Variants in TRPV1 observed in about 807,000 individuals in gnomAD.
TRPV1 encodes the protein transient receptor potential cation channel subfamily V member 1.
In TRPV1, 82 loss-of-function variants were observed where a neutral mutation model predicts 82.3. The ratio of observed to expected loss-of-function variants is 1.00; its 90% CI spans 0.83 to 1.20. The LOEUF (loss-of-function observed/expected upper bound fraction) is 1.20, where lower values mean the gene tolerates loss of function less well. Ranked by LOEUF, TRPV1 falls within the 50% of genes most tolerant of loss-of-function variation. The pLI, the probability that TRPV1 is intolerant of heterozygous loss-of-function variation, is 0.00. For missense variants in TRPV1, 1,067 were observed against 1,096.8 expected (o/e 0.97, Z 0.38); for synonymous variants, 515 against 467.7 (o/e 1.10, Z -1.30).
At chr17:3,575,762 A>G (rs1384801971) in intron 13 of TRPV1, among the ~76,000 whole-genome samples, 1 of 152,178 alleles carries the variant, frequency 6.6e-6, no homozygotes. Flanking sequence ...ACACAGCAGA[A>G]GACACACATG....
intron 8 of TRPV1, among the ~76,000 whole-genome samples, chr17:3,587,419 G>A (rs530300771): frequency 6.6e-6 from 1 of 152,314 alleles, no homozygotes; most frequent in East Asian, 1.9e-4. Context: ...CAGATAAGGT[G>A]GCCTTTCCAA....
intron 9 of TRPV1, among the ~76,000 whole-genome samples, chr17:3,584,131 G>C (rs576594753): frequency 6.6e-6 from 1 of 152,020 alleles, no homozygotes; most frequent in South Asian, 2.1e-4. Flanking sequence ...TTAGCCAGGC[G>C]TGGTAGCTCA....
rs1567665096 is a variant in TRPV1 at position 3,582,259 on chromosome 17, C to T, written c.1476+1079G>A. ...TGGTGATGGCTTCCTGTAGTTCCAG[C>T]TACTCCAGAGGCTGAGGTGGGAGGA... On this transcript the variant is annotated intron_variant, in intron 10 of 16. Transcript: ENST00000572705. Among the ~76,000 whole-genome samples, 5 of 148,022 alleles carry T rather than the reference C, an allele frequency of 3.4e-5. No homozygotes were observed. In the South Asian group the frequency reaches 1.1e-3, roughly 32 times the overall value.
rs1567663703 is a variant in TRPV1 at position 3,580,506 on chromosome 17, G to A, written c.1498C>T (p.Arg500Trp). Residue 500 changes from arginine to tryptophan, a missense_variant, in exon 11 of 17, where the codon CGG becomes TGG. Coordinates refer to ENST00000572705, the MANE Select transcript of TRPV1 (RefSeq NM_080704.4). ...FRGIQYFLQRRPSMKTLFVDS... is the reference protein window; with the variant it reads ...FRGIQYFLQRWPSMKTLFVDS... ...ACAAACAGGGTCTTCATCGACGGCC[G>A]CCTCTGCAGGAAATACTGAATCTGC... is the stretch of plus-strand genomic sequence containing the variant. The A allele has an allele frequency of 1.4e-5, 22 of 1,614,018 alleles. No homozygotes were observed. Among genetic ancestry groups the A allele is most frequent in the Non-Finnish European group, 1.8e-5 (21 of 1,179,894 alleles).
chr17:3,580,589 C>A, intron 10 of TRPV1, 62 bp from the exon 11 acceptor site: 4 of 1,544,864 alleles, frequency 2.6e-6, no homozygotes, highest in Non-Finnish European at 3.6e-6. Flanking sequence ...ATGGTGAGCA[C>A]TCAGATGCTT....
chr17:3,605,642 T>C (rs964691295), intron 2 of TRPV1, among the ~76,000 whole-genome samples: 2 of 152,186 alleles, frequency 1.3e-5, no homozygotes, highest in African/African-American at 4.8e-5. Flanking sequence ...TTTAGCTCAA[T>C]GTGACTTGTG....
chr17:3,592,198 C>A lies in TRPV1; in HGVS notation c.153G>T (p.Gly51=). The A allele has an allele frequency of 6.2e-7, 1 of 1,613,308 alleles. No individual in the cohort carries two copies. Among genetic ancestry groups the A allele is most frequent in the East Asian group, 2.2e-5 (1 of 44,852 alleles). Residue 51 remains glycine (G), a synonymous_variant, in exon 3 of 17, where the codon GGG becomes GGT. Transcript: ENST00000572705. The stretch of plus-strand genomic sequence containing the variant: ...GGAAAGCCTCCTCCGAGTCACCCTT[C>A]CCAAAGAGCCGGGTGCGGCTCTTGG... The part of the protein sequence containing the change: ...STAKSRTRLF[G]KGDSEEAFPV...
chr17:3,588,371 C>T lies in TRPV1; in HGVS notation c.1045-4G>A, dbSNP rs758177167. The T allele has an allele frequency of 1.7e-5, 26 of 1,552,200 alleles. No individual in the cohort carries two copies. The South Asian group carries it at 2.6e-4, about 16-fold the overall frequency. ...GCTGGAGAATATAGGCCAAGACCTG[C>T]CCCCGGGGAGCAAGAGCCCGTCAGA... On this transcript the variant is annotated splice_polypyrimidine_tract_variant and splice_region_variant and intron_variant, in intron 7 of 16. Transcript: ENST00000572705.
chr17:3,607,739 G>A (rs1449468004), intron 2 of TRPV1, among the ~76,000 whole-genome samples: 3 of 151,828 alleles, frequency 2.0e-5, no homozygotes, highest in South Asian at 2.1e-4. Flanking sequence ...TTTTCACCAC[G>A]TTGGCCAGGT....
intron 2 of TRPV1, among the ~76,000 whole-genome samples, chr17:3,605,502 T>G (rs144923762): frequency 9.7e-4 from 146 of 150,288 alleles, no homozygotes; most frequent in African/African-American, 3.4e-3. Flanking sequence ...AGAGTGAGAC[T>G]CCATTTAAAA....
intron 11 of TRPV1, 78 bp from the exon 12 acceptor site, chr17:3,577,841 C>A: frequency 7.1e-7 from 1 of 1,415,816 alleles, no homozygotes; most frequent in South Asian, 1.3e-5. Flanking sequence ...GGTCACAGGC[C>A]GCTCAGAGGT....
chr17:3,569,116 G>T (rs1030796990), intron 16 of TRPV1, among the ~76,000 whole-genome samples: 1 of 151,924 alleles, frequency 6.6e-6, no homozygotes, highest in Non-Finnish European at 1.5e-5. Flanking sequence ...GGGGCCTGTT[G>T]TGGGGTTGGG....
chr17:3,573,162 C>T (rs1192076591), intron 14 of TRPV1, among the ~76,000 whole-genome samples: 6 of 152,148 alleles, frequency 3.9e-5, no homozygotes, highest in Admixed American at 2.0e-4. Context: ...ATGTGGCCCA[C>T]GGGGCCAGAA....
At position 3,577,118 on chromosome 17, in the gene TRPV1, C is replaced by T; in HGVS notation, c.1780+8G>A. ...CTGCCCTCCCCCAGCGCTGACCAAGCTCATTACCTGTGGAAAACCCGAACA... is the reference window on the plus strand; with the variant it reads ...CTGCCCTCCCCCAGCGCTGACCAAGTTCATTACCTGTGGAAAACCCGAACA... On this transcript the variant is annotated splice_region_variant and intron_variant, in intron 13 of 16. Coordinates refer to ENST00000572705, the MANE Select transcript of TRPV1 (RefSeq NM_080704.4). The T allele has an allele frequency of 6.3e-7, 1 of 1,579,978 alleles. No homozygotes were observed. The highest frequency in any genetic ancestry group is 8.6e-7 in the Non-Finnish European group (1 of 1,163,266).
At chr17:3,597,836 G>C (rs923840867) in intron 2 of TRPV1, among the ~76,000 whole-genome samples, 2 of 152,106 alleles carry the variant, frequency 1.3e-5, no homozygotes, top group African/African-American at 2.4e-5. Context: ...ATTGCGCCCA[G>C]CTAATTGTTG....
intron 2 of TRPV1, among the ~76,000 whole-genome samples, chr17:3,599,802 G>A (rs891493934): frequency 2.6e-5 from 4 of 151,812 alleles, no homozygotes; most frequent in Admixed American, 6.6e-5. Context: ...CTAATTTTTA[G>A]TAGAAATGGG....
intron 11 of TRPV1, among the ~76,000 whole-genome samples, chr17:3,580,201 T>TGAGTGGGAAGGTGAACAAGGTCC (rs2074988298): frequency 6.6e-6 from 1 of 152,170 alleles, no homozygotes; most frequent in Non-Finnish European, 1.5e-5. Context: ...GGATGGACAA[T>TGAGTGGGAAGGTGAACAAGGTCC]GAGTGGGAAG....
At chr17:3,600,783 C>T (rs1440653837) in intron 2 of TRPV1, among the ~76,000 whole-genome samples, 1 of 152,142 alleles carries the variant, frequency 6.6e-6, no homozygotes, top group Non-Finnish European at 1.5e-5. Flanking sequence ...GCCACTCCTG[C>T]CGGGACTCCC....
chr17:3,577,327 G>A (rs1471254631), intron 12 of TRPV1, 135 bp from the exon 13 acceptor site: 2 of 987,760 alleles, frequency 2.0e-6, no homozygotes, highest in Non-Finnish European at 3.0e-6. Context: ...TCAGCTCAGG[G>A]GTCATGAGGG....
Sources: gnomAD v4.1 joint callset for allele counts (sites outside exome capture counted in the v4.1 genomes callset) on GRCh38, gnomAD v4.1.1 for gene constraint, MANE v1.5 for transcripts, NCBI Gene and HGNC (gene_info 2026-07-23, HGNC 2026-07-21) for gene names.